The following DYNLL2 variants were observed in gnomAD, a reference collection of about 807,000 sequenced individuals.
DYNLL2 encodes dynein light chain LC8-type 2.
A neutral mutation model predicts 9.7 loss-of-function variants in DYNLL2; 1 was observed. The ratio of observed to expected loss-of-function variants is 0.10; its 90% CI spans 0.04 to 0.49. DYNLL2 has a LOEUF of 0.49. Among genes scored for constraint, DYNLL2 ranks in the 20% least tolerant of loss-of-function variants. The pLI is 0.95. For synonymous variants in DYNLL2, 35 were observed against 40.5 expected (o/e 0.86, Z 0.52); for missense variants, 37 against 115.2 (o/e 0.32, Z 3.11).
chr17:58,083,462 G>GGCGGAGCGGGCGGA lies in DYNLL2; in HGVS notation c.-227_-226insAGCGGGCGGAGCGG, dbSNP rs2075742696. The stretch of plus-strand genomic sequence containing the variant: ...AGCTGTGAGGCGCCAGTGCGGAGCG[G>GGCGGAGCGGGCGGA]GCGGGCGGGCGGGCGGCGTGAGGCG... On this transcript the variant is annotated 5_prime_UTR_variant, in exon 1 of 3. Transcript: ENST00000579991. 1 of 128,686 alleles carries GGCGGAGCGGGCGGA rather than the reference G, an allele frequency of 7.8e-6. No homozygotes were observed. Among genetic ancestry groups the GGCGGAGCGGGCGGA allele is most frequent in the Admixed American group, 7.4e-5 (1 of 13,604 alleles). The allele number at this position is 128,686 out of a possible 1,614,324, so 8.0% of individuals were successfully genotyped here. A position where few individuals can be genotyped will look rare whatever the true frequency, so the allele number is the denominator to read the frequency against.
At chr17:58,084,199 G>A (rs537644000) in intron 1 of DYNLL2, among the ~76,000 whole-genome samples, 1 of 151,962 alleles carries the variant, frequency 6.6e-6, no homozygotes, top group Non-Finnish European at 1.5e-5. Context: ...CGGGAGGTCG[G>A]GGGGAAGGAG....
chr17:58,094,123 CAAA>C lies in DYNLL2; in HGVS notation c.*4847_*4849del, dbSNP rs1567768134. On this transcript the variant is annotated 3_prime_UTR_variant, in exon 3 of 3. Coordinates refer to ENST00000579991, the MANE Select transcript of DYNLL2 (RefSeq NM_080677.3). ...GCTTTCTAGAGAGAATGCAAACATG[CAAA>C]AACAGTGTGGTAGTGTAGGCAGAAC... 1 of 152,136 alleles carries C rather than the reference CAAA, an allele frequency of 6.6e-6. No homozygotes were observed. 9.4% of individuals were successfully genotyped at this position (152,136 alleles called of 1,614,324 possible).
rs556431146 is a variant in DYNLL2, at chr17:58,093,120, T to G, written c.*3841T>G. 2 of 152,340 alleles carry G rather than the reference T, an allele frequency of 1.3e-5. No homozygotes were observed. The highest frequency in any genetic ancestry group is 3.9e-4 in the East Asian group (2 of 5,186). The allele number at this position is 152,340 out of a possible 1,614,324, so 9.4% of individuals were successfully genotyped here. On this transcript the variant is annotated 3_prime_UTR_variant, in exon 3 of 3. Transcript: ENST00000579991. ...AGAACAGTGCCTGTCCTGTAGGAAG[T>G]GTTTGATACATACAGATTGCTCAAA...
chr17:58,083,984 G>C (rs1031340830), intron 1 of DYNLL2, among the ~76,000 whole-genome samples: 2 of 151,914 alleles, frequency 1.3e-5, no homozygotes, highest in Admixed American at 1.3e-4. Context: ...GTCTCTCTGC[G>C]CTGCGTGGAG....
intron 1 of DYNLL2, 80 bp from the exon 2 acceptor site, chr17:58,087,002 C>G: frequency 6.4e-7 from 1 of 1,558,172 alleles, no homozygotes; most frequent in Non-Finnish European, 8.8e-7. Flanking sequence ...CCCTCTTGCA[C>G]TGAGACCCCA....
intron 1 of DYNLL2, among the ~76,000 whole-genome samples, chr17:58,084,024 GGGT>G (rs1263661409): frequency 2.0e-5 from 3 of 152,034 alleles, no homozygotes; most frequent in Non-Finnish European, 4.4e-5. Flanking sequence ...GGGGAAGAGG[GGGT>G]GGAGAGGGCT....
intron 1 of DYNLL2, among the ~76,000 whole-genome samples, chr17:58,084,555 A>C (rs2075751367): frequency 6.6e-6 from 1 of 151,956 alleles, no homozygotes. Flanking sequence ...TAGGCTGGAC[A>C]CCTTCCTGTG....
In DYNLL2 at chr17:58,095,098, G is replaced by T. The variant is rs1303736787; in HGVS notation, c.*5819G>T. 2 of 151,670 alleles carry T rather than the reference G, an allele frequency of 1.3e-5. No individual in the cohort carries two copies. Among genetic ancestry groups the T allele is most frequent in the Non-Finnish European group, 2.9e-5 (2 of 67,916 alleles). 9.4% of individuals were successfully genotyped at this position (151,670 alleles called of 1,614,324 possible). On this transcript the variant is annotated 3_prime_UTR_variant, in exon 3 of 3. Coordinates refer to ENST00000579991, the MANE Select transcript of DYNLL2 (RefSeq NM_080677.3). ...TAGATATGTTTTCAATTATCTTGGG[G>T]CATCTTTTATTTTTAATGTCAGTTT...
Position 58,092,772 on chromosome 17 carries a change from T to A in DYNLL2, c.*3493T>A, listed in dbSNP as rs1007857284. The A allele has an allele frequency of 2.0e-5, 3 of 152,204 alleles. No homozygotes were observed. Among genetic ancestry groups the A allele is most frequent in the Admixed American group, 2.0e-4 (3 of 15,286 alleles). The allele number at this position is 152,204 out of a possible 1,614,324, so 9.4% of individuals were successfully genotyped here. A position where few individuals can be genotyped will look rare whatever the true frequency, so the allele number is the denominator to read the frequency against. ...ATAATAACCAGCATGGTAGGGAATC[T>A]TCTTTGTTGCTGTGGCACTGTCGAT... On this transcript the variant is annotated 3_prime_UTR_variant, in exon 3 of 3. Transcript: ENST00000579991.
At position 58,089,351 on chromosome 17, in the gene DYNLL2, A is replaced by T; in HGVS notation, c.*72A>T. ...GGCGGCGTTGCTGGGACTGTTTTGCACTGGAGCCAGCATCAGGATGTCCTC... is the reference window on the plus strand; with the variant it reads ...GGCGGCGTTGCTGGGACTGTTTTGCTCTGGAGCCAGCATCAGGATGTCCTC... On this transcript the variant is annotated 3_prime_UTR_variant, in exon 3 of 3. Transcript: ENST00000579991. 6.4e-7 allele frequency: 1 copy of T among 1,570,228 alleles called. No individual in the cohort carries two copies. The highest frequency in any genetic ancestry group is 2.2e-5 in the East Asian group (1 of 44,538).
intron 1 of DYNLL2, among the ~76,000 whole-genome samples, chr17:58,085,181 G>T (rs1435337916): frequency 6.6e-6 from 1 of 152,122 alleles, no homozygotes; most frequent in Non-Finnish European, 1.5e-5. Context: ...TCTTTGCTCT[G>T]CCAGTTTCTG....
Position 58,088,721 on chromosome 17 carries a change from T to C in DYNLL2, c.133-421T>C, listed in dbSNP as rs537302532. ...GGTGTTTAGCATTTGGAAATGCTGG[T>C]TAATTATGTGTGAGGCAGCGGGTGG... On this transcript the variant is annotated intron_variant, in intron 2 of 2. Coordinates refer to ENST00000579991, the MANE Select transcript of DYNLL2 (RefSeq NM_080677.3). Among the ~76,000 whole-genome samples the C allele has an allele frequency of 4.6e-5, 7 of 152,266 alleles. No homozygotes were observed. In the South Asian group the frequency reaches 1.4e-3, roughly 32 times the overall value.
intron 1 of DYNLL2, among the ~76,000 whole-genome samples, 195 bp downstream of exon 1, chr17:58,083,878 G>T (rs1477721000): frequency 2.0e-5 from 3 of 151,152 alleles, no homozygotes; most frequent in Non-Finnish European, 4.4e-5. Flanking sequence ...CCTCCCTCTC[G>T]GCGCAGCCCG....
chr17:58,086,767 G>C (rs1227256402), intron 1 of DYNLL2, among the ~76,000 whole-genome samples: 1 of 152,200 alleles, frequency 6.6e-6, no homozygotes, highest in African/African-American at 2.4e-5. Flanking sequence ...ACAGCTAGTA[G>C]ATGTACACTG....
rs115770498 is a variant in DYNLL2, at chr17:58,084,168, G to A, written c.-10+485G>A. ...GGGCGGCCGACCGGCCGGGGCCTGC[G>A]GACCTGGCCGGCGGCGCGGGCGGGA... On this transcript the variant is annotated intron_variant, in intron 1 of 2. Transcript: ENST00000579991. Among the ~76,000 whole-genome samples the A allele has an allele frequency of 6.5e-3, 995 of 151,922 alleles. 10 individuals are homozygous for A. Among genetic ancestry groups the A allele is most frequent in the African/African-American group, 0.023 (948 of 41,464 alleles).
chr17:58,086,427 G>T (rs1023184539), intron 1 of DYNLL2, among the ~76,000 whole-genome samples: 5 of 152,226 alleles, frequency 3.3e-5, no homozygotes, highest in Non-Finnish European at 7.3e-5. Flanking sequence ...CTTGTGTGCA[G>T]ATGCTCTCAT....
intron 2 of DYNLL2, among the ~76,000 whole-genome samples, chr17:58,088,045 A>G (rs2075766519): frequency 6.6e-6 from 1 of 151,980 alleles, no homozygotes; most frequent in African/African-American, 2.4e-5. Flanking sequence ...GTGTTTTCCT[A>G]CCCAAATGGG....
chr17:58,084,232 G>A (rs1381325283), intron 1 of DYNLL2, among the ~76,000 whole-genome samples: 1 of 152,136 alleles, frequency 6.6e-6, no homozygotes, highest in African/African-American at 2.4e-5. Context: ...TTCCCCAGGT[G>A]CTGCCCTTCG....
At chr17:58,084,628 T>A (rs2075751880) in intron 1 of DYNLL2, among the ~76,000 whole-genome samples, 1 of 152,176 alleles carries the variant, frequency 6.6e-6, no homozygotes, top group African/African-American at 2.4e-5. Flanking sequence ...CTCAGATGCC[T>A]GGGGGGCCAT....
Sources: allele counts gnomAD v4.1 joint callset (sites outside exome capture counted in the v4.1 genomes callset), GRCh38; gene constraint gnomAD v4.1.1; transcripts MANE v1.5; gene names NCBI Gene and HGNC (gene_info 2026-07-23, HGNC 2026-07-21).